The following SDHAF2 variants were observed in gnomAD, a reference collection of about 807,000 sequenced individuals.
SDHAF2 encodes the protein succinate dehydrogenase complex assembly factor 2.
In SDHAF2, 21 loss-of-function variants were observed where a neutral mutation model predicts 18.5. That is an observed-to-expected ratio of 1.13 (90% CI 0.80 to 1.63). The LOEUF (loss-of-function observed/expected upper bound fraction) is 1.63. SDHAF2 is among the 40% of genes most tolerant of loss of function. SDHAF2 has a pLI of 0.00. For synonymous variants in SDHAF2, 84 were observed against 70.7 expected (o/e 1.19, Z -0.94); for missense variants, 195 against 200.3 (o/e 0.97, Z 0.16).
At chr11:61,443,404 C>T (rs2134898812) in intron 3 of SDHAF2, among the ~76,000 whole-genome samples, 1 of 152,302 alleles carries the variant, frequency 6.6e-6, no homozygotes, top group Non-Finnish European at 1.5e-5. Context: ...CAGTCTGCTT[C>T]TGTTGATTTC....
chr11:61,434,179 G>A (rs1029955504), intron 1 of SDHAF2: 7 of 146,980 alleles, frequency 4.8e-5, no homozygotes, highest in African/African-American at 1.9e-4. Flanking sequence ...GGGGTTTTTA[G>A]CCATTATGTC....
intron 3 of SDHAF2, among the ~76,000 whole-genome samples, chr11:61,443,593 T>C (rs1207833911): frequency 6.6e-6 from 1 of 152,214 alleles, no homozygotes. Flanking sequence ...TTGGTTACCT[T>C]CATTGCATTA....
chr11:61,432,510 T>A (rs373740093), intron 1 of SDHAF2: 1 of 152,340 alleles, frequency 6.6e-6, no homozygotes, highest in East Asian at 1.9e-4. Context: ...TTGTATTATT[T>A]ATTTCTTTTG....
Position 61,445,948 on chromosome 11 carries a change from A to G in SDHAF2, c.378A>G (p.Lys126=), listed in dbSNP as rs1400208457. Residue 126 remains lysine, a synonymous_variant, in exon 4 of 4, where the codon AAA becomes AAG. Coordinates refer to ENST00000301761, the MANE Select transcript of SDHAF2 (RefSeq NM_017841.4). ...CCCACTCTTCTCTTGCAGAAGCTAAACCAGCCCCAGAAATATTTGAAAATG... is the reference window on the plus strand; with the variant it reads ...CCCACTCTTCTCTTGCAGAAGCTAAGCCAGCCCCAGAAATATTTGAAAATG... ...WDIYYWATEA[K]PAPEIFENEV... 6.2e-7 allele frequency: 1 copy of G among 1,614,026 alleles called. No homozygotes were observed. Among genetic ancestry groups the G allele is most frequent in the African/African-American group, 1.3e-5 (1 of 74,918 alleles).
At chr11:61,444,677 A>G (rs1304225697) in intron 3 of SDHAF2, among the ~76,000 whole-genome samples, 1 of 152,050 alleles carries the variant, frequency 6.6e-6, no homozygotes, top group Admixed American at 6.5e-5. Flanking sequence ...CAGGAGGTGG[A>G]GCTTGCAGTG....
intron 1 of SDHAF2, chr11:61,435,940 TAG>T (rs917129801): frequency 6.6e-6 from 1 of 152,158 alleles, no homozygotes; most frequent in African/African-American, 2.4e-5. Flanking sequence ...CTGACCAACA[TAG>T]AGAAACCCTG....
At chr11:61,436,957 A>G in intron 1 of SDHAF2, 1 of 1,256,678 alleles carries the variant, frequency 8.0e-7, no homozygotes, top group South Asian at 1.3e-5. Flanking sequence ...AGGATTTGAC[A>G]CAGGTGAGTG....
chr11:61,437,518 C>A, intron 1 of SDHAF2, 107 bp from the exon 2 acceptor site: 1 of 1,029,496 alleles, frequency 9.7e-7, no homozygotes, highest in Non-Finnish European at 1.5e-6. Flanking sequence ...GTAATTTCCT[C>A]ATGACTAAAT....
intron 3 of SDHAF2, among the ~76,000 whole-genome samples, chr11:61,443,978 T>G (rs1472897948): frequency 6.6e-6 from 1 of 152,176 alleles, no homozygotes; most frequent in East Asian, 1.9e-4. Context: ...TTTCACCGTT[T>G]TAGCCAGGAT....
Position 61,430,177 on chromosome 11 carries a change from T to C in SDHAF2, c.31T>C (p.Ser11Pro). 1.2e-6 allele frequency: 2 copies of C among 1,614,194 alleles called. No homozygotes were observed. The highest frequency in any genetic ancestry group is 1.7e-6 in the Non-Finnish European group (2 of 1,180,028). The change falls in exon 1 of 4, where the codon TCG becomes CCG. Residue 11 changes from serine (S) to proline (P), a missense_variant. Coordinates refer to ENST00000301761, the MANE Select transcript of SDHAF2 (RefSeq NM_017841.4). ...GGTGTCTACAGTGTTCTCGACTTCGTCGCTGGTGAGGAGAGAGAACGTTCT... is the reference window on the plus strand; with the variant it reads ...GGTGTCTACAGTGTTCTCGACTTCGCCGCTGGTGAGGAGAGAGAACGTTCT... Reference protein sequence around the residue: MAVSTVFSTSSLMLALSRHSL... With the variant: MAVSTVFSTSPLMLALSRHSL...
chr11:61,438,142 G>C (rs1452474030), intron 3 of SDHAF2, 29 bp downstream of exon 3: 2 of 1,507,322 alleles, frequency 1.3e-6, no homozygotes, highest in Non-Finnish European at 1.8e-6. Flanking sequence ...AGCATAATGT[G>C]AAAATAGGAC....
At chr11:61,445,009 T>C (rs1287753784) in intron 3 of SDHAF2, among the ~76,000 whole-genome samples, 1 of 152,190 alleles carries the variant, frequency 6.6e-6, no homozygotes, top group Non-Finnish European at 1.5e-5. Flanking sequence ...CTTTCTACTT[T>C]CTTGGGGGAA....
In SDHAF2 at chr11:61,438,113, G is replaced by C. The variant is rs1237175697; in HGVS notation, c.370G>C (p.Glu124Gln). 6.2e-7 allele frequency: 1 copy of C among 1,602,254 alleles called. No individual in the cohort carries two copies. The highest frequency in any genetic ancestry group is 1.7e-5 in the Admixed American group (1 of 59,996). The stretch of plus-strand genomic sequence containing the variant: ...CTGGGATATTTACTACTGGGCCACA[G>C]GTACTGGGTATGATAAGCAGCATAA... ...NDWDIYYWAT[E>Q]AKPAPEIFEN... Residue 124 changes from glutamate (E) to glutamine (Q), a missense_variant and splice_region_variant, in exon 3 of 4, where the codon GAA (glutamate) becomes CAA (glutamine). Coordinates refer to ENST00000301761, the MANE Select transcript of SDHAF2 (RefSeq NM_017841.4).
In SDHAF2 at chr11:61,438,063, G is replaced by A. The variant is rs535627239; in HGVS notation, c.320G>A (p.Arg107His). 90 of 1,614,006 alleles carry A rather than the reference G, an allele frequency of 5.6e-5. No homozygotes were observed. The East Asian group carries it at 1.1e-3, about 20-fold the overall frequency. ...MTEKQLNLYD[R>H]LINEPSNDWD... The stretch of plus-strand genomic sequence containing the variant: ...GAAAAGCAGCTGAACCTCTATGACC[G>A]CCTGATTAACGAGCCTAGTAATGAC... Residue 107 changes from arginine to histidine, a missense_variant, in exon 3 of 4, where the codon CGC becomes CAC. Coordinates refer to ENST00000301761, the MANE Select transcript of SDHAF2 (RefSeq NM_017841.4).
At chr11:61,436,772 G>A in intron 1 of SDHAF2, 1 of 747,774 alleles carries the variant, frequency 1.3e-6, no homozygotes, top group Non-Finnish European at 2.0e-6. Context: ...GAATTGGTTT[G>A]TTTGTTGCTG....
chr11:61,439,218 C>T (rs189105473), intron 3 of SDHAF2, among the ~76,000 whole-genome samples: 92 of 152,238 alleles, frequency 6.0e-4, no homozygotes, highest in Middle Eastern at 3.4e-3. Flanking sequence ...CTCCAGAGCT[C>T]ATAGAGGGGC....
chr11:61,438,079 T>C lies in SDHAF2; in HGVS notation c.336T>C (p.Pro112=). 6.2e-7 allele frequency: 1 copy of C among 1,614,036 alleles called. No homozygotes were observed. The highest frequency in any genetic ancestry group is 1.3e-5 in the African/African-American group (1 of 75,038). The change falls in exon 3 of 4, where the codon CCT becomes CCC. Residue 112 remains proline (P), a synonymous_variant. Transcript: ENST00000301761. The stretch of plus-strand genomic sequence containing the variant: ...TCTATGACCGCCTGATTAACGAGCC[T>C]AGTAATGACTGGGATATTTACTACT... The part of the protein sequence containing the change: ...LNLYDRLINE[P]SNDWDIYYWA...
intron 1 of SDHAF2, chr11:61,436,801 C>G: frequency 9.6e-7 from 1 of 1,042,042 alleles, no homozygotes; most frequent in Non-Finnish European, 1.3e-6. Context: ...GTGTCTCCAT[C>G]GGGGAAGGAG....
chr11:61,438,571 A>G (rs1428983912), intron 3 of SDHAF2, among the ~76,000 whole-genome samples: 1 of 152,196 alleles, frequency 6.6e-6, no homozygotes, highest in Non-Finnish European at 1.5e-5. Context: ...TAAGTGTACA[A>G]AATTTATCAG....
Sources: allele counts gnomAD v4.1 joint callset (sites outside exome capture counted in the v4.1 genomes callset), GRCh38; gene constraint gnomAD v4.1.1; transcripts MANE v1.5; gene names NCBI Gene and HGNC (gene_info 2026-07-23, HGNC 2026-07-21).